GLRA2: variants seen among roughly 807,000 people sequenced by gnomAD.
GLRA2 encodes the protein glycine receptor subunit alpha-2.
Under a neutral mutation model 31.6 loss-of-function variants are expected in GLRA2, and 11 were observed. The observed-to-expected ratio is 0.35, with a 90% CI of 0.22 to 0.58. The LOEUF (loss-of-function observed/expected upper bound fraction) is 0.58. Among genes scored for constraint, GLRA2 ranks in the 20% least tolerant of loss-of-function variants. The probability of loss-of-function intolerance (pLI) is 0.84; values close to 1 mark genes in which losing one functional copy is unlikely to be tolerated. For synonymous variants in GLRA2, 132 were observed against 134.0 expected, an observed-to-expected ratio of 0.99 and a Z score of 0.10; for missense variants, 212 against 351.8, an observed-to-expected ratio of 0.60 and a Z score of 3.18.
intron 7 of GLRA2, among the ~76,000 whole-genome samples, chrX:14,670,948 T>C (rs751462996): frequency 1.8e-5 from 2 of 111,445 alleles, no homozygotes; most frequent in East Asian, 2.8e-4. Flanking sequence ...CCCAGGAGAG[T>C]TGGCATATGC....
intron 2 of GLRA2, among the ~76,000 whole-genome samples, chrX:14,563,180 G>A (rs1470126610): frequency 8.9e-6 from 1 of 112,320 alleles, no homozygotes; most frequent in Non-Finnish European, 1.9e-5. Context: ...ACCTTGGGCT[G>A]ATCCCTAGAT....
chrX:14,515,651 G>A, the GLRA2 span, among the ~76,000 whole-genome samples: 1 of 111,568 alleles, frequency 9.0e-6, no homozygotes, highest in Non-Finnish European at 1.9e-5. Context: ...TAAATAGTTA[G>A]ACTTCTAAAT....
chrX:14,681,910 A>AAAAAAAT (rs758563376), intron 7 of GLRA2, among the ~76,000 whole-genome samples: 4 of 41,294 alleles, frequency 9.7e-5, no homozygotes, highest in African/African-American at 2.4e-4. Context: ...AAAAAAAAAA[A>AAAAAAAT]ATATATATAT....
intron 8 of GLRA2, among the ~76,000 whole-genome samples, chrX:14,728,271 T>C (rs1409867560): frequency 9.0e-6 from 1 of 110,768 alleles, no homozygotes; most frequent in East Asian, 2.8e-4. Context: ...CTCATACCTG[T>C]AGTCCCAGCT....
At chrX:14,502,490 G>A in the GLRA2 span, among the ~76,000 whole-genome samples, 1 of 111,364 alleles carries the variant, frequency 9.0e-6, no homozygotes, top group Admixed American at 9.6e-5. Context: ...AGTATTTACT[G>A]TATACAGTCA....
intron 2 of GLRA2, among the ~76,000 whole-genome samples, chrX:14,561,251 G>C (rs1334633382): frequency 8.9e-6 from 1 of 112,167 alleles, no homozygotes; most frequent in Non-Finnish European, 1.9e-5. Context: ...CAAACTCATT[G>C]TAGATAGTCC....
chrX:14,677,641 A>G (rs775971863), intron 7 of GLRA2, among the ~76,000 whole-genome samples: 2 of 111,946 alleles, frequency 1.8e-5, no homozygotes, highest in Admixed American at 9.5e-5. Flanking sequence ...TTTCCACCTT[A>G]TAACACTATT....
intron 2 of GLRA2, among the ~76,000 whole-genome samples, chrX:14,570,640 A>G (rs1349411045): frequency 2.7e-5 from 3 of 111,552 alleles, no homozygotes; most frequent in Non-Finnish European, 5.6e-5. Context: ...TAATAGTACT[A>G]TATATGAAGA....
chrX:14,527,373 A>G (rs1054726335), upstream of GLRA2, among the ~76,000 whole-genome samples: 1 of 111,750 alleles, frequency 8.9e-6, no homozygotes, highest in Non-Finnish European at 1.9e-5. Flanking sequence ...TCCCAGCACT[A>G]TGGGAGGCTG....
At chrX:14,475,986 C>G in the GLRA2 span, among the ~76,000 whole-genome samples, 1 of 111,411 alleles carries the variant, frequency 9.0e-6, no homozygotes, top group African/African-American at 3.3e-5. Flanking sequence ...AATATCCAGT[C>G]CCCTGTACCA....
At chrX:14,711,875 T>C (rs922686287) in intron 8 of GLRA2, among the ~76,000 whole-genome samples, 1 of 112,319 alleles carries the variant, frequency 8.9e-6, no homozygotes, top group African/African-American at 3.2e-5. Context: ...GAGATTATCT[T>C]ACAATAATTT....
At chrX:14,661,390 TG>T (rs1569518094) in intron 7 of GLRA2, among the ~76,000 whole-genome samples, 1 of 111,596 alleles carries the variant, frequency 9.0e-6, no homozygotes, top group African/African-American at 3.3e-5. Flanking sequence ...TTTAAGAGGA[TG>T]ACTCATATTG....
chrX:14,463,446 C>CT, the GLRA2 span, among the ~76,000 whole-genome samples: 1 of 111,878 alleles, frequency 8.9e-6, no homozygotes, highest in Non-Finnish European at 1.9e-5. Flanking sequence ...CAGATATTCC[C>CT]TGCCCCTAGA....
At chrX:14,714,065 TTCTGGTTTGAAGCTTGAACTGATTC>T (rs1219994090) in intron 8 of GLRA2, among the ~76,000 whole-genome samples, 3 of 110,750 alleles carry the variant, frequency 2.7e-5, no homozygotes. Context: ...AGTTATTAGG[TTCTGGTTTGAAGCTTGAACTGATTC>T]TATTTCCTGG....
intron 2 of GLRA2, among the ~76,000 whole-genome samples, chrX:14,567,271 A>C (rs1432887619): frequency 8.9e-6 from 1 of 112,287 alleles, no homozygotes; most frequent in Non-Finnish European, 1.9e-5. Context: ...GATTTATTCC[A>C]GAAATGCAAA....
At chrX:14,467,874 G>C in the GLRA2 span, among the ~76,000 whole-genome samples, 1 of 111,223 alleles carries the variant, frequency 9.0e-6, no homozygotes, top group Non-Finnish European at 1.9e-5. Context: ...TTTACTTCAA[G>C]TTTATTGCAG....
At chrX:14,477,433 C>T in the GLRA2 span, among the ~76,000 whole-genome samples, 1 of 111,756 alleles carries the variant, frequency 8.9e-6, no homozygotes, top group Admixed American at 9.6e-5. Context: ...AAGGATTATA[C>T]TTGCAAGAGA....
intron 3 of GLRA2, among the ~76,000 whole-genome samples, chrX:14,580,960 C>T (rs1342448385): frequency 8.9e-6 from 1 of 111,913 alleles, no homozygotes; most frequent in Non-Finnish European, 1.9e-5. Context: ...ACCAAGTCAA[C>T]CCGTTTTATT....
At chrX:14,454,751 T>C in the GLRA2 span, among the ~76,000 whole-genome samples, 1 of 111,716 alleles carries the variant, frequency 9.0e-6, no homozygotes, top group Non-Finnish European at 1.9e-5. Context: ...AATACAAATA[T>C]AGCACTTGAA....
Sources: gnomAD v4.1 joint callset for allele counts (sites outside exome capture counted in the v4.1 genomes callset) on GRCh38, gnomAD v4.1.1 for gene constraint, MANE v1.5 for transcripts, NCBI Gene and HGNC (gene_info 2026-07-23, HGNC 2026-07-21) for gene names.